EXOC7: variants seen among roughly 807,000 people sequenced by gnomAD.
EXOC7 encodes exocyst complex component 7.
EXOC7 carries 51 observed loss-of-function variants against 87.6 expected under a neutral mutation model. The ratio of observed to expected loss-of-function variants is 0.58; its 90% CI spans 0.46 to 0.73. The LOEUF is 0.73. Ranked by LOEUF, EXOC7 falls within the 30% of genes least tolerant of loss-of-function variation. The probability of loss-of-function intolerance (pLI) is 0.00; values close to 1 mark genes in which losing one functional copy is unlikely to be tolerated. For synonymous variants in EXOC7, 327 were observed against 357.1 expected (o/e 0.92, Z 0.95); for missense variants, 744 against 888.4 (o/e 0.84, Z 2.07).
chr17:76,099,262 T>C (rs1291402793), intron 4 of EXOC7, among the ~76,000 whole-genome samples: 2 of 152,162 alleles, frequency 1.3e-5, no homozygotes, highest in African/African-American at 4.8e-5. Context: ...TCCCAGCACT[T>C]TGGGAGGCCG....
At chr17:76,092,288 C>T (rs1250754315) in intron 6 of EXOC7, 1 of 134,514 alleles carries the variant, frequency 7.4e-6, no homozygotes, top group Non-Finnish European at 1.5e-5. Flanking sequence ...CCACAATTAG[C>T]TTGTTTTTTT....
chr17:76,090,670 C>G, intron 7 of EXOC7: 1 of 609,868 alleles, frequency 1.6e-6, no homozygotes, highest in East Asian at 2.8e-5. Flanking sequence ...GGAGAAGGAC[C>G]AAGGAGGGGC....
At position 76,101,588 on chromosome 17, in the gene EXOC7, C is replaced by G. The variant is rs1040163132; in HGVS notation, c.311+91G>C. 8.8e-6 allele frequency: 13 copies of G among 1,475,908 alleles called. No homozygotes were observed. In the Admixed American group the frequency reaches 2.6e-4, roughly 30 times the overall value. The allele number at this position is 1,475,908 out of a possible 1,614,324, so 91.4% of individuals were successfully genotyped here. On this transcript the variant is annotated intron_variant, in intron 3 of 18. Transcript: ENST00000589210. ...TCCTAGTCTCAAGCGATCCTCCCAC[C>G]TCAGCCTCCCAAATTGTTGGGATTA...
chr17:76,097,166 C>T (rs1241483776), intron 5 of EXOC7, among the ~76,000 whole-genome samples: 1 of 152,142 alleles, frequency 6.6e-6, no homozygotes, highest in Admixed American at 6.6e-5. Flanking sequence ...CTTAATAGTG[C>T]TCATCTTTGG....
chr17:76,081,291 G>A lies in EXOC7; in HGVS notation c.*2357C>T, dbSNP rs780298385. On this transcript the variant is annotated 3_prime_UTR_variant, in exon 19 of 19. Transcript: ENST00000589210. ...CCCACCCCTCAGCGATGGAGTTAGAGTTCCAGGCCCACGTGGTGAACGAGA... is the reference window on the plus strand; with the variant it reads ...CCCACCCCTCAGCGATGGAGTTAGAATTCCAGGCCCACGTGGTGAACGAGA... 44 of 1,613,944 alleles carry A rather than the reference G, an allele frequency of 2.7e-5. No homozygotes were observed. Among genetic ancestry groups the A allele is most frequent in the Non-Finnish European group, 3.6e-5 (42 of 1,179,988 alleles).
Position 76,099,129 on chromosome 17 carries a change from TAA to T in EXOC7, c.418-1113_418-1112del, listed in dbSNP as rs769649839. Among the ~76,000 whole-genome samples, 4 of 152,274 alleles carry T rather than the reference TAA, an allele frequency of 2.6e-5. No individual in the cohort carries two copies. The East Asian group carries it at 5.8e-4, about 22-fold the overall frequency. On this transcript the variant is annotated intron_variant, in intron 4 of 18. Transcript: ENST00000589210. ...GAATCTGTCCACACGATGACATATA[TAA>T]GAGGGTTTATAGCAGCATTATTCAC...
intron 6 of EXOC7, chr17:76,091,555 C>G (rs1389394147): frequency 1.1e-5 from 3 of 272,268 alleles, no homozygotes; most frequent in Non-Finnish European, 1.4e-5. Context: ...ATAATCAGAA[C>G]AGGCGAGGGC....
intron 7 of EXOC7, 147 bp downstream of exon 7, chr17:76,090,996 A>G: frequency 1.4e-6 from 1 of 715,402 alleles, no homozygotes; most frequent in Non-Finnish European, 2.5e-6. Context: ...TGCCCGCTGA[A>G]GCCCGAGTGG....
At chr17:76,103,206 G>C in intron 2 of EXOC7, 155 bp downstream of exon 2, 1 of 679,832 alleles carries the variant, frequency 1.5e-6, no homozygotes, top group Non-Finnish European at 2.6e-6. Context: ...GGCTAGGCAG[G>C]AGAGATGCCA....
At position 76,081,483 on chromosome 17, in the gene EXOC7, C is replaced by CATGCCCCCG; in HGVS notation, c.*2156_*2164dup. ...GGATGCACGGCCAGAGGCCAGGCCC[C>CATGCCCCCG]ATGCCCCCGATGCCCACCTCCTTCC... On this transcript the variant is annotated 3_prime_UTR_variant, in exon 19 of 19. Coordinates refer to ENST00000589210, the MANE Select transcript of EXOC7 (RefSeq NM_001013839.4). The CATGCCCCCG allele has an allele frequency of 1.9e-6, 3 of 1,610,228 alleles. No homozygotes were observed. The highest frequency in any genetic ancestry group is 1.3e-5 in the African/African-American group (1 of 75,034).
intron 2 of EXOC7, among the ~76,000 whole-genome samples, chr17:76,102,644 G>A (rs1215919085): frequency 6.6e-6 from 1 of 152,048 alleles, no homozygotes; most frequent in Non-Finnish European, 1.5e-5. Context: ...TTTAGAAAAG[G>A]ACTAGGACTT....
chr17:76,091,345 A>G, intron 6 of EXOC7, 110 bp from the exon 7 acceptor site: 2 of 815,578 alleles, frequency 2.5e-6, no homozygotes, highest in South Asian at 3.0e-5. Context: ...GCTCCCCAAC[A>G]GTGAGCAGGC....
intron 8 of EXOC7, 83 bp from the exon 9 acceptor site, chr17:76,089,006 AG>A: frequency 6.8e-7 from 1 of 1,477,112 alleles, no homozygotes; most frequent in Non-Finnish European, 9.3e-7. Flanking sequence ...TGCAGTATGT[AG>A]GGGGGCCAGT....
intron 5 of EXOC7, 37 bp downstream of exon 5, chr17:76,097,759 C>T (rs762515065): frequency 1.6e-6 from 2 of 1,256,952 alleles, no homozygotes; most frequent in Admixed American, 3.8e-5. Context: ...CTCCCTCTGC[C>T]TCTGGTGTGT....
intron 12 of EXOC7, among the ~76,000 whole-genome samples, chr17:76,086,627 G>A (rs189642773): frequency 1.7e-3 from 255 of 152,286 alleles, no homozygotes; most frequent in Non-Finnish European, 3.1e-3. Context: ...CAGGGAGGCC[G>A]GGCGAGCCTA....
intron 4 of EXOC7, among the ~76,000 whole-genome samples, chr17:76,098,307 T>C (rs1328229549): frequency 6.6e-6 from 1 of 151,944 alleles, no homozygotes; most frequent in African/African-American, 2.4e-5. Flanking sequence ...CAGATAATTT[T>C]TGTATTTTTA....
In EXOC7 at chr17:76,088,889, T is replaced by G. The variant is rs1203714558; in HGVS notation, c.1082A>C (p.Asn361Thr). The G allele has an allele frequency of 6.2e-7, 1 of 1,613,606 alleles. No individual in the cohort carries two copies. The highest frequency in any genetic ancestry group is 2.2e-5 in the East Asian group (1 of 44,870). ...ALDGLMLEGE[N>T]IVSAARKAIV... ...GGCCTTCCGGGCAGCAGACACGATG[T>G]TCTCCCCTTCAAGCATCAGCCCATC... is the stretch of plus-strand genomic sequence containing the variant. The change falls in exon 9 of 19, where the codon AAC becomes ACC. Residue 361 changes from asparagine (N) to threonine (T), a missense_variant. Asn to Thr is a moderately conservative substitution (Grantham distance 65, BLOSUM62 0). Transcript: ENST00000589210.
Position 76,101,914 on chromosome 17 carries a change from G to C in EXOC7, c.127-51C>G, listed in dbSNP as rs188588616. 2,969 of 1,473,992 alleles carry C rather than the reference G, an allele frequency of 2.0e-3. 18 individuals carry two copies. The highest frequency in any genetic ancestry group is 1.4e-3 in the Non-Finnish European group (1,519 of 1,085,758). The allele number at this position is 1,473,992 out of a possible 1,614,324, so 91.3% of individuals were successfully genotyped here. A position where few individuals can be genotyped will look rare whatever the true frequency, so the allele number is the denominator to read the frequency against. Reference sequence around the variant, plus strand: ...TGGGACTCACAGTGGTCCCAGCACTGCTTCTACACACCCACCTTCGGCATT... The same window carrying C: ...TGGGACTCACAGTGGTCCCAGCACTCCTTCTACACACCCACCTTCGGCATT... On this transcript the variant is annotated intron_variant, in intron 2 of 18. Coordinates refer to ENST00000589210, the MANE Select transcript of EXOC7 (RefSeq NM_001013839.4).
At position 76,087,679 on chromosome 17, in the gene EXOC7, C is replaced by A; in HGVS notation, c.1404G>T (p.Thr468=). The A allele has an allele frequency of 6.4e-7, 1 of 1,551,344 alleles. No homozygotes were observed. ...FLQQLLDFQE[T]AGAMLASQET... ...CTTGGGAGGCCAGCATGGCGCCTGC[C>A]GTCTCCTGGAAGTCCAAAAGCTGCT... Residue 468 remains threonine (T), a synonymous_variant, in exon 12 of 19, where the codon ACG becomes ACT. Transcript: ENST00000589210.
Sources: gnomAD v4.1 joint callset for allele counts (sites outside exome capture counted in the v4.1 genomes callset) on GRCh38, gnomAD v4.1.1 for gene constraint, MANE v1.5 for transcripts, NCBI Gene and HGNC (gene_info 2026-07-23, HGNC 2026-07-21) for gene names.